ANKIB1: variants seen among roughly 807,000 people sequenced by gnomAD.
The protein encoded by ANKIB1 is ankyrin repeat and IBR domain-containing protein 1.
Under a neutral mutation model 122.1 loss-of-function variants are expected in ANKIB1, and 43 were observed. The ratio of observed to expected loss-of-function variants is 0.35; its 90% confidence interval spans 0.28 to 0.45. The LOEUF is 0.45. Ranked by LOEUF, ANKIB1 falls within the 20% of genes least tolerant of loss-of-function variation. The pLI, the probability that ANKIB1 is intolerant of heterozygous loss-of-function variation, is 1.00. For synonymous variants in ANKIB1, 390 were observed against 442.0 expected, an observed-to-expected ratio of 0.88 and a Z score of 1.48; for missense variants, 992 against 1,329.5, an observed-to-expected ratio of 0.75 and a Z score of 3.95.
chr7:92,389,823 A>T (rs915917941), intron 14 of ANKIB1, 148 bp from the exon 15 acceptor site: 1 of 783,316 alleles, frequency 1.3e-6, no homozygotes, highest in African/African-American at 1.8e-5. Context: ...GTTTGGTTCA[A>T]ATAAGTATTT....
At position 92,311,745 on chromosome 7, in the gene ANKIB1, ATAAAAT is replaced by A. The variant is rs1802694264; in HGVS notation, c.486+4095_486+4100del. 2.0e-5 allele frequency among the ~76,000 whole-genome samples: 3 copies of A among 151,926 alleles called. No homozygotes were observed. In the South Asian group the frequency reaches 6.2e-4, roughly 32 times the overall value. On this transcript the variant is annotated intron_variant, in intron 3 of 19. Coordinates refer to ENST00000265742, the MANE Select transcript of ANKIB1 (RefSeq NM_019004.2). Reference sequence around the variant, plus strand: ...CCCCCCACACACACACACACAGAACATAAAATTAAAACCCCTTAATTATAGAGTTCT... The same window carrying A: ...CCCCCCACACACACACACACAGAACATAAAACCCCTTAATTATAGAGTTCT...
chr7:92,328,768 A>G (rs2131958965), intron 5 of ANKIB1, among the ~76,000 whole-genome samples: 1 of 151,964 alleles, frequency 6.6e-6, no homozygotes, highest in East Asian at 1.9e-4. Flanking sequence ...ATCTATACTA[A>G]AATAGAATGC....
intron 10 of ANKIB1, among the ~76,000 whole-genome samples, chr7:92,368,898 C>G (rs187366093): frequency 6.6e-6 from 1 of 152,192 alleles, no homozygotes; most frequent in Admixed American, 6.5e-5. Flanking sequence ...CACATTCTCT[C>G]CAAGGGTGGA....
chr7:92,314,170 C>T (rs1234293670), intron 3 of ANKIB1, among the ~76,000 whole-genome samples: 5 of 151,852 alleles, frequency 3.3e-5, no homozygotes, highest in Admixed American at 6.6e-5. Context: ...TGGTGATGCA[C>T]GCCTGTAGTC....
rs535591166 is a variant in ANKIB1 at position 92,246,226 on chromosome 7, T to A, written c.-384T>A. Reference sequence around the variant, plus strand: ...CCGCCCCCTCTTCCCCTCCCCCGAGTGAGGCGGCGCAGCGGCCGGAGAGGG... The same window carrying A: ...CCGCCCCCTCTTCCCCTCCCCCGAGAGAGGCGGCGCAGCGGCCGGAGAGGG... On this transcript the variant is annotated 5_prime_UTR_variant, in exon 1 of 20. Coordinates refer to ENST00000265742, the MANE Select transcript of ANKIB1 (RefSeq NM_019004.2). 371 of 375,338 alleles carry A rather than the reference T, an allele frequency of 9.9e-4. 2 individuals are homozygous for A. Among genetic ancestry groups the A allele is most frequent in the Admixed American group, 1.6e-3 (38 of 24,082 alleles). 23.3% of individuals were successfully genotyped at this position (375,338 alleles called of 1,614,324 possible). A position where few individuals can be genotyped will look rare whatever the true frequency, so the allele number is the denominator to read the frequency against.
chr7:92,316,635 C>T (rs1342380459), intron 3 of ANKIB1, among the ~76,000 whole-genome samples: 5 of 152,148 alleles, frequency 3.3e-5, no homozygotes, highest in Admixed American at 6.6e-5. Flanking sequence ...TTAGGGAGCA[C>T]CTTGCAAAGA....
In ANKIB1 at chr7:92,246,349, C is replaced by A; in HGVS notation, c.-261C>A. On this transcript the variant is annotated 5_prime_UTR_variant, in exon 1 of 20. Transcript: ENST00000265742. ...CAGTGCGCACCCTCGGCCACATCAG[C>A]CTCCGCCTGGCGGGTGCACCCGGGC... 2.2e-6 allele frequency: 1 copy of A among 451,162 alleles called. No homozygotes were observed. The allele number at this position is 451,162 out of a possible 1,614,324, so 27.9% of individuals were successfully genotyped here.
intron 7 of ANKIB1, among the ~76,000 whole-genome samples, chr7:92,347,397 C>G (rs1192778897): frequency 2.0e-5 from 3 of 152,010 alleles, no homozygotes; most frequent in Admixed American, 2.0e-4. Flanking sequence ...CCAGAAAAGC[C>G]AAAACATTGG....
At chr7:92,390,260 A>G in intron 15 of ANKIB1, 144 bp downstream of exon 15, 1 of 709,536 alleles carries the variant, frequency 1.4e-6, no homozygotes. Flanking sequence ...TTTTAAATAA[A>G]GGAAAAGTTA....
At chr7:92,312,747 C>T (rs1266399924) in intron 3 of ANKIB1, among the ~76,000 whole-genome samples, 2 of 152,106 alleles carry the variant, frequency 1.3e-5, no homozygotes, top group Non-Finnish European at 2.9e-5. Flanking sequence ...CAATATGTAA[C>T]AGGTCCTATA....
At chr7:92,367,580 A>T (rs917322162) in intron 10 of ANKIB1, among the ~76,000 whole-genome samples, 5 of 152,246 alleles carry the variant, frequency 3.3e-5, no homozygotes, top group African/African-American at 1.2e-4. Flanking sequence ...CTTTATGCCC[A>T]GTTTTCCGAA....
At chr7:92,336,669 T>C (rs2131967599) in intron 5 of ANKIB1, among the ~76,000 whole-genome samples, 1 of 152,292 alleles carries the variant, frequency 6.6e-6, no homozygotes, top group South Asian at 2.1e-4. Context: ...TCCAAAGTGC[T>C]CTGGTCACCC....
chr7:92,376,945 C>G (rs1804395274), intron 11 of ANKIB1, among the ~76,000 whole-genome samples: 1 of 152,128 alleles, frequency 6.6e-6, no homozygotes, highest in Non-Finnish European at 1.5e-5. Flanking sequence ...CCATCCAGAC[C>G]ACTCAAATTT....
At chr7:92,332,756 C>T (rs1022579508) in intron 5 of ANKIB1, among the ~76,000 whole-genome samples, 8 of 152,112 alleles carry the variant, frequency 5.3e-5, no homozygotes, top group Non-Finnish European at 1.0e-4. Flanking sequence ...TGTTCTCTTC[C>T]TGGGAAATGT....
In ANKIB1 at chr7:92,362,264, C is replaced by T. The variant is rs1337884668; in HGVS notation, c.1477C>T (p.Pro493Ser). Residue 493 changes from proline (P) to serine (S), a missense_variant, in exon 10 of 20, where the codon CCA (proline) becomes TCA (serine). By Grantham distance (74) the Pro-to-Ser change is moderately conservative. Transcript: ENST00000265742. The stretch of plus-strand genomic sequence containing the variant: ...GCTGCAAAAAATAACCGAAATGAAA[C>T]CAGAAGAACGTAAGAGGAATTTTAG... ...NWLQKITEMK[P>S]EELVGVSEAY... is the part of the protein sequence containing the mutation. 1.3e-6 allele frequency: 2 copies of T among 1,587,438 alleles called. No individual in the cohort carries two copies. The highest frequency in any genetic ancestry group is 1.7e-6 in the Non-Finnish European group (2 of 1,166,212).
chr7:92,358,410 C>T (rs942597250), intron 9 of ANKIB1, among the ~76,000 whole-genome samples: 5 of 152,124 alleles, frequency 3.3e-5, no homozygotes, highest in African/African-American at 4.8e-5. Context: ...GGCTCACAAC[C>T]AAGGAAGCAG....
intron 10 of ANKIB1, among the ~76,000 whole-genome samples, chr7:92,363,056 A>G (rs1159046009): frequency 6.6e-6 from 1 of 151,600 alleles, no homozygotes; most frequent in African/African-American, 2.4e-5. Flanking sequence ...TGGTCTTTAA[A>G]AAAAAAAAAA....
rs774308207 is a variant in ANKIB1, at chr7:92,386,591, G to T, written c.1700G>T (p.Arg567Leu). ...ACTGGAGGTTATTACAGATGTACTC[G>T]CTATGAAGTCATTCAACACGTGGAG... ...SSTGGYYRCT[R>L]YEVIQHVEEQ... The change falls in exon 12 of 20, where the codon CGC (arginine) becomes CTC (leucine). Residue 567 changes from arginine to leucine, a missense_variant. This residue lies in a region of ANKIB1 where 521 missense variants were observed against 777.7 expected (regional missense o/e 0.67). Transcript: ENST00000265742. 4 of 1,604,664 alleles carry T rather than the reference G, an allele frequency of 2.5e-6. No homozygotes were observed. Among genetic ancestry groups the T allele is most frequent in the Non-Finnish European group, 3.4e-6 (4 of 1,175,776 alleles).
chr7:92,396,415 A>G lies in ANKIB1; in HGVS notation c.2334A>G (p.Gly778=), dbSNP rs550230406. Residue 778 remains glycine, a synonymous_variant, in exon 18 of 20, where the codon GGA becomes GGG. Transcript: ENST00000265742. ...GGAGGCACAGACAACGTCGTCGAGGAGATGTTCACAGTCTACTCAGTAATC... is the reference window on the plus strand; with the variant it reads ...GGAGGCACAGACAACGTCGTCGAGGGGATGTTCACAGTCTACTCAGTAATC... ...YRRRHRQRRR[G]DVHSLLSNPP... The G allele has an allele frequency of 2.9e-5, 46 of 1,599,074 alleles. 1 individual carries two copies. The East Asian group carries it at 5.6e-4, about 20-fold the overall frequency.
Sources: gnomAD v4.1 joint callset for allele counts (sites outside exome capture counted in the v4.1 genomes callset) on GRCh38, gnomAD v4.1.1 for gene constraint, gnomAD v4.1.1 regional missense constraint, MANE v1.5 for transcripts, NCBI Gene and HGNC (gene_info 2026-07-23, HGNC 2026-07-21) for gene names.